The following ATP8B4 variants were observed in gnomAD, a reference collection of about 807,000 sequenced individuals.
ATP8B4 encodes ATPase phospholipid transporting 8B4 (putative).
In ATP8B4, 133 loss-of-function variants were observed where a neutral mutation model predicts 145.6. That is an observed-to-expected ratio of 0.91 (90% confidence interval 0.79 to 1.05). The LOEUF is 1.05. Among genes scored for constraint, ATP8B4 ranks in the 50% least tolerant of loss-of-function variants. The pLI is 0.00. For synonymous variants in ATP8B4, 507 were observed against 492.9 expected (o/e 1.03, Z -0.38); for missense variants, 1,458 against 1,425.2 (o/e 1.02, Z -0.37).
At chr15:49,942,944 C>A (rs895908948) in intron 14 of ATP8B4, among the ~76,000 whole-genome samples, 2 of 152,084 alleles carry the variant, frequency 1.3e-5, no homozygotes, top group African/African-American at 4.8e-5. Flanking sequence ...TGTAAAGATG[C>A]TCTACAAGCT....
chr15:50,042,281 A>G (rs1227004203), intron 5 of ATP8B4, among the ~76,000 whole-genome samples: 1 of 152,224 alleles, frequency 6.6e-6, no homozygotes, highest in Non-Finnish European at 1.5e-5. Flanking sequence ...ATGATATATG[A>G]AGACACATGC....
intron 2 of ATP8B4, among the ~76,000 whole-genome samples, chr15:50,103,976 G>T (rs1164438893): frequency 6.6e-6 from 1 of 151,998 alleles, no homozygotes; most frequent in South Asian, 2.1e-4. Context: ...AATCATCAAT[G>T]GGGGAAAGGA....
intron 1 of ATP8B4, among the ~76,000 whole-genome samples, chr15:50,174,498 C>A (rs2044733978): frequency 6.7e-6 from 1 of 149,704 alleles, no homozygotes; most frequent in South Asian, 2.1e-4. Flanking sequence ...TACATACCAA[C>A]AACGACCAAG....
rs529416829 is a variant in ATP8B4 at position 49,990,571 on chromosome 15, G to T, written c.590-3022C>A. ...GACCCATACTGAAAAAAATCTACAG[G>T]ATCTCATTCTGGACCTTCTTAAGCA... is the stretch of plus-strand genomic sequence containing the variant. On this transcript the variant is annotated intron_variant, in intron 9 of 27. Transcript: ENST00000284509. Among the ~76,000 whole-genome samples, 5 of 151,970 alleles carry T rather than the reference G, an allele frequency of 3.3e-5. 1 individual carries two copies. The highest frequency in any genetic ancestry group is 1.2e-4 in the African/African-American group (5 of 41,384).
intron 13 of ATP8B4, among the ~76,000 whole-genome samples, chr15:49,963,121 C>G (rs971498343): frequency 5.3e-5 from 8 of 152,112 alleles, no homozygotes; most frequent in Non-Finnish European, 1.0e-4. Flanking sequence ...CATGAACAGA[C>G]ACTTCTCAAA....
chr15:49,888,035 A>T (rs1271715965), intron 23 of ATP8B4, among the ~76,000 whole-genome samples: 1 of 152,114 alleles, frequency 6.6e-6, no homozygotes, highest in Admixed American at 6.5e-5. Flanking sequence ...CTATCTAATG[A>T]CCTTTTGGGG....
chr15:49,888,391 T>C (rs2036445699), intron 23 of ATP8B4, among the ~76,000 whole-genome samples: 1 of 151,980 alleles, frequency 6.6e-6, no homozygotes, highest in South Asian at 2.1e-4. Context: ...TTTCCAGCCT[T>C]GACAAGATAA....
chr15:49,952,973 G>T (rs8032062), intron 14 of ATP8B4, among the ~76,000 whole-genome samples: 201 of 151,998 alleles, frequency 1.3e-3, no homozygotes, highest in African/African-American at 4.8e-3. Context: ...TCTTCTGCAG[G>T]GCTGCTGCAG....
At chr15:49,943,626 C>T (rs2042337707) in intron 14 of ATP8B4, among the ~76,000 whole-genome samples, 1 of 152,112 alleles carries the variant, frequency 6.6e-6, no homozygotes, top group Non-Finnish European at 1.5e-5. Context: ...GCTAAACTCT[C>T]CTTCAAAAAC....
At chr15:50,082,973 T>C (rs891251057) in intron 2 of ATP8B4, among the ~76,000 whole-genome samples, 3 of 152,138 alleles carry the variant, frequency 2.0e-5, no homozygotes, top group Non-Finnish European at 4.4e-5. Flanking sequence ...AGATTCTAGA[T>C]ATAAGGAGAT....
At chr15:50,158,583 C>T (rs1163165717) in intron 1 of ATP8B4, among the ~76,000 whole-genome samples, 1 of 151,866 alleles carries the variant, frequency 6.6e-6, no homozygotes, top group Non-Finnish European at 1.5e-5. Flanking sequence ...TCTGCCCGGC[C>T]ACCACCCCGT....
intron 13 of ATP8B4, among the ~76,000 whole-genome samples, chr15:49,963,694 T>G (rs1300286437): frequency 6.6e-6 from 1 of 151,990 alleles, no homozygotes; most frequent in Non-Finnish European, 1.5e-5. Flanking sequence ...CACTTATAAG[T>G]GGGAGCTGAA....
At chr15:50,113,865 A>G (rs1011646512) in intron 1 of ATP8B4, among the ~76,000 whole-genome samples, 1 of 132,522 alleles carries the variant, frequency 7.5e-6, no homozygotes, top group African/African-American at 2.8e-5. Flanking sequence ...AAAAAAAAAA[A>G]GCCAAATTTA....
At chr15:50,066,061 C>T (rs1334384612) in intron 3 of ATP8B4, among the ~76,000 whole-genome samples, 1 of 147,832 alleles carries the variant, frequency 6.8e-6, no homozygotes, top group Admixed American at 6.7e-5. Flanking sequence ...AGAAACCAGA[C>T]GAATGCTTAG....
chr15:50,052,695 A>G (rs1343371459), intron 3 of ATP8B4, among the ~76,000 whole-genome samples: 2 of 152,202 alleles, frequency 1.3e-5, no homozygotes, highest in East Asian at 3.8e-4. Flanking sequence ...CTTCTCTAAA[A>G]TATTTTAACG....
intron 1 of ATP8B4, among the ~76,000 whole-genome samples, chr15:50,175,698 G>A (rs561651841): frequency 9.2e-5 from 14 of 151,934 alleles, no homozygotes; most frequent in Admixed American, 4.6e-4. Context: ...TCAAAAAACC[G>A]TAGATGTTGG....
intron 25 of ATP8B4, 81 bp downstream of exon 25, chr15:49,876,197 C>A (rs1410371803): frequency 8.5e-6 from 13 of 1,524,022 alleles, no homozygotes; most frequent in Non-Finnish European, 1.1e-5. Context: ...TTCCCCCCAA[C>A]AAGTAGACAA....
At chr15:49,992,546 T>A (rs1344566376) in intron 9 of ATP8B4, among the ~76,000 whole-genome samples, 1 of 152,172 alleles carries the variant, frequency 6.6e-6, no homozygotes, top group Non-Finnish European at 1.5e-5. Flanking sequence ...AGAGACATCC[T>A]GAGATTTCAA....
At chr15:50,125,834 C>G (rs186969726) in intron 1 of ATP8B4, among the ~76,000 whole-genome samples, 42 of 152,250 alleles carry the variant, frequency 2.8e-4, no homozygotes, top group Non-Finnish European at 4.7e-4. Context: ...TAGAAACTGC[C>G]TCTTCTTTTC....
Sources: allele counts gnomAD v4.1 joint callset (sites outside exome capture counted in the v4.1 genomes callset), GRCh38; gene constraint gnomAD v4.1.1; transcripts MANE v1.5; gene names NCBI Gene and HGNC (gene_info 2026-07-23, HGNC 2026-07-21).